SUB1: variants seen among roughly 807,000 people sequenced by gnomAD.
SUB1 encodes the protein SUB1 regulator of transcription, also known as activated RNA polymerase II transcriptional coactivator p15.
In SUB1, 1 loss-of-function variant was observed where a neutral mutation model predicts 16.9. The observed-to-expected ratio is 0.06, with a 90% CI of 0.02 to 0.28. The LOEUF (loss-of-function observed/expected upper bound fraction) is 0.28, where lower values mean the gene tolerates loss of function less well. SUB1 is among the 10% of genes least tolerant of loss of function. SUB1 has a pLI of 1.00. For synonymous variants in SUB1, 51 were observed against 46.9 expected, an observed-to-expected ratio of 1.09 and a Z score of -0.36; for missense variants, 84 against 145.2, an observed-to-expected ratio of 0.58 and a Z score of 2.16.
At chr5:32,585,924 GGA>G (rs1561030786) in intron 1 of SUB1, 2 of 152,628 alleles carry the variant, frequency 1.3e-5, no homozygotes, top group Non-Finnish European at 2.9e-5. Context: ...GGAGTCGCGG[GGA>G]GAGAGTCGCG....
At chr5:32,599,420 C>G (rs1363043467) in intron 4 of SUB1, among the ~76,000 whole-genome samples, 1 of 152,200 alleles carries the variant, frequency 6.6e-6, no homozygotes, top group Non-Finnish European at 1.5e-5. Flanking sequence ...TACAATGCTT[C>G]CTTTTGATTC....
At chr5:32,597,595 C>CAT (rs1739000206) in intron 3 of SUB1, 1 of 152,134 alleles carries the variant, frequency 6.6e-6, no homozygotes, top group African/African-American at 2.4e-5. Flanking sequence ...ATTGCTGGAT[C>CAT]ATATGATAGT....
In SUB1 at chr5:32,601,314, A is replaced by G. The variant is rs577213963; in HGVS notation, c.*230A>G. On this transcript the variant is annotated 3_prime_UTR_variant, in exon 5 of 5. Transcript: ENST00000265073. ...TGCCCACCACCTAGTGTAAAATAAA[A>G]TCAAGTAATACAATCTTAACTGTTG... 8.8e-6 allele frequency: 4 copies of G among 456,286 alleles called. No individual in the cohort carries two copies. The Admixed American group carries it at 1.6e-4, about 18-fold the overall frequency. The allele number at this position is 456,286 out of a possible 1,614,324, so 28.3% of individuals were successfully genotyped here.
intron 4 of SUB1, among the ~76,000 whole-genome samples, chr5:32,600,418 G>A (rs769944006): frequency 2.6e-5 from 4 of 152,156 alleles, no homozygotes; most frequent in Admixed American, 1.3e-4. Flanking sequence ...GATAGTTGAC[G>A]GGTATTAGTA....
chr5:32,591,443 A>G (rs1420585388), intron 2 of SUB1, 120 bp from the exon 3 acceptor site: 1 of 1,336,490 alleles, frequency 7.5e-7, no homozygotes, highest in East Asian at 2.7e-5. Flanking sequence ...TTATGTATAT[A>G]TTTATGATAT....
rs1738852869 is a variant in SUB1, at chr5:32,592,476, T to C, written c.195+791T>C. On this transcript the variant is annotated intron_variant, in intron 3 of 4. Coordinates refer to ENST00000265073, the MANE Select transcript of SUB1 (RefSeq NM_006713.4). Reference sequence around the variant, plus strand: ...GTTTCCTGTCTTGTTTTAGGGAGACTTGACACTGGCATCTTTGTACAAGAA... The same window carrying C: ...GTTTCCTGTCTTGTTTTAGGGAGACCTGACACTGGCATCTTTGTACAAGAA... Among the ~76,000 whole-genome samples, 3 of 152,194 alleles carry C rather than the reference T, an allele frequency of 2.0e-5. No individual in the cohort carries two copies. In the South Asian group the frequency reaches 6.2e-4, roughly 32 times the overall value.
At chr5:32,592,271 G>A (rs753610291) in intron 3 of SUB1, among the ~76,000 whole-genome samples, 3 of 152,232 alleles carry the variant, frequency 2.0e-5, no homozygotes, top group African/African-American at 7.2e-5. Context: ...CAGGTCAAGT[G>A]TTGGGACAGT....
chr5:32,588,625 A>G (rs1561032582), intron 2 of SUB1, 41 bp downstream of exon 2: 1 of 1,576,614 alleles, frequency 6.3e-7, no homozygotes. Context: ...GATACTCAAC[A>G]ATATTGTCCA....
chr5:32,588,626 A>G, intron 2 of SUB1, 42 bp downstream of exon 2: 4 of 1,569,242 alleles, frequency 2.5e-6, no homozygotes, highest in Non-Finnish European at 3.5e-6. Flanking sequence ...ATACTCAACA[A>G]TATTGTCCAT....
chr5:32,588,880 G>C (rs1435685791), intron 2 of SUB1, among the ~76,000 whole-genome samples: 1 of 152,080 alleles, frequency 6.6e-6, no homozygotes, highest in African/African-American at 2.4e-5. Context: ...GTTGGTCTCT[G>C]GACCACTTGA....
Position 32,601,091 on chromosome 5 carries a change from A to G in SUB1, c.*7A>G. 1 of 1,609,152 alleles carries G rather than the reference A, an allele frequency of 6.2e-7. No individual in the cohort carries two copies. The highest frequency in any genetic ancestry group is 8.5e-7 in the Non-Finnish European group (1 of 1,177,374). The stretch of plus-strand genomic sequence containing the variant: ...TGCAGTAAGAAAACTGTAAAATTCG[A>G]GCCATATAAATAAAACCTGTACTGT... On this transcript the variant is annotated 3_prime_UTR_variant, in exon 5 of 5. Coordinates refer to ENST00000265073, the MANE Select transcript of SUB1 (RefSeq NM_006713.4).
chr5:32,589,072 GA>G (rs1473888439), intron 2 of SUB1, among the ~76,000 whole-genome samples: 4 of 144,054 alleles, frequency 2.8e-5, no homozygotes, highest in Admixed American at 6.6e-5. Flanking sequence ...AAATTTACCA[GA>G]TTTTTTTTTG....
intron 3 of SUB1, 99 bp from the exon 4 acceptor site, chr5:32,598,862 A>T (rs1739047085): frequency 1.1e-6 from 1 of 872,334 alleles, no homozygotes; most frequent in Non-Finnish European, 1.9e-6. Flanking sequence ...TCATGATTAG[A>T]TGTAGAGTGA....
chr5:32,589,313 C>G (rs924593798), intron 2 of SUB1, among the ~76,000 whole-genome samples: 1 of 152,260 alleles, frequency 6.6e-6, no homozygotes, highest in East Asian at 1.9e-4. Flanking sequence ...TCTCAAACTC[C>G]TGGCCTCAGG....
chr5:32,603,873 T>A lies in SUB1; in HGVS notation c.*2789T>A, dbSNP rs1162694288. On this transcript the variant is annotated 3_prime_UTR_variant, in exon 5 of 5. Coordinates refer to ENST00000265073, the MANE Select transcript of SUB1 (RefSeq NM_006713.4). ...GCAGTTCATTTTTTATGGCAGTTAA[T>A]CCAGTGAAACACTCAAAAGTTTTTT... 6 of 151,386 alleles carry A rather than the reference T, an allele frequency of 4.0e-5. No individual in the cohort carries two copies. The highest frequency in any genetic ancestry group is 1.4e-4 in the African/African-American group (6 of 41,398). The allele number at this position is 151,386 out of a possible 1,614,324, so 9.4% of individuals were successfully genotyped here.
intron 3 of SUB1, chr5:32,595,513 T>C (rs1738937900): frequency 6.6e-6 from 1 of 152,394 alleles, no homozygotes; most frequent in African/African-American, 2.4e-5. Flanking sequence ...ATTTTATTGC[T>C]GAGTAGTATT....
rs1480493814 is a variant in SUB1 at position 32,601,036 on chromosome 5, G to A, written c.336G>A (p.Gln112=). The A allele has an allele frequency of 1.2e-6, 2 of 1,612,186 alleles. No homozygotes were observed. The highest frequency in any genetic ancestry group is 1.7e-6 in the Non-Finnish European group (2 of 1,179,780). The change falls in exon 5 of 5, where the codon CAG becomes CAA. Residue 112 remains glutamine, a synonymous_variant. Coordinates refer to ENST00000265073, the MANE Select transcript of SUB1 (RefSeq NM_006713.4). ...GISLNPEQWS[Q]LKEQISDIDD... Reference sequence around the variant, plus strand: ...CTTTAAATCCAGAACAATGGAGCCAGCTGAAGGAACAGATTTCTGACATTG... The same window carrying A: ...CTTTAAATCCAGAACAATGGAGCCAACTGAAGGAACAGATTTCTGACATTG...
intron 4 of SUB1, among the ~76,000 whole-genome samples, chr5:32,600,162 T>C (rs1739080627): frequency 6.6e-6 from 1 of 152,186 alleles, no homozygotes; most frequent in Admixed American, 6.5e-5. Flanking sequence ...ATACACTTAG[T>C]GAAAGTGAGG....
chr5:32,602,814 C>A lies in SUB1; in HGVS notation c.*1730C>A, dbSNP rs889167106. ...AACCAGAGTAGGTTCAGAGAAACTC[C>A]CAAAGTTTGTACTTTAGACACATCA... On this transcript the variant is annotated 3_prime_UTR_variant, in exon 5 of 5. Coordinates refer to ENST00000265073, the MANE Select transcript of SUB1 (RefSeq NM_006713.4). 1 of 152,148 alleles carries A rather than the reference C, an allele frequency of 6.6e-6. No individual in the cohort carries two copies. The highest frequency in any genetic ancestry group is 2.4e-5 in the African/African-American group (1 of 41,384). The allele number at this position is 152,148 out of a possible 1,614,324, so 9.4% of individuals were successfully genotyped here. A position where few individuals can be genotyped will look rare whatever the true frequency, so the allele number is the denominator to read the frequency against.
Sources: gnomAD v4.1 joint callset for allele counts (sites outside exome capture counted in the v4.1 genomes callset) on GRCh38, gnomAD v4.1.1 for gene constraint, MANE v1.5 for transcripts, NCBI Gene and HGNC (gene_info 2026-07-23, HGNC 2026-07-21) for gene names.